The following SNAI3 variants were observed in gnomAD, a reference collection of about 807,000 sequenced individuals.
SNAI3 encodes zinc finger protein SNAI3.
A neutral mutation model predicts 16.4 loss-of-function variants in SNAI3; 21 were observed. The observed-to-expected ratio is 1.28, with a 90% confidence interval of 0.91 to 1.85. SNAI3 has a LOEUF of 1.85. SNAI3 is among the 40% of genes most tolerant of loss of function. SNAI3 has a pLI of 0.00. For missense variants in SNAI3, 457 were observed against 372.8 expected (o/e 1.23, Z -1.86); for synonymous variants, 202 against 166.6 (o/e 1.21, Z -1.64).
rs2142951620 is a variant in SNAI3, at chr16:88,686,408, T to C, written c.-2A>G. ...TTTCACCAGGAAGGAGCGCGGCATG[T>C]TCCCCTCCCGGGCGGCAGGCCGGGG... On this transcript the variant is annotated 5_prime_UTR_variant, in exon 1 of 3. Coordinates refer to ENST00000332281, the MANE Select transcript of SNAI3 (RefSeq NM_178310.4). 1.2e-6 allele frequency: 2 copies of C among 1,610,194 alleles called. No individual in the cohort carries two copies. The highest frequency in any genetic ancestry group is 2.2e-5 in the South Asian group (2 of 91,016).
At chr16:88,682,213 C>T (rs992325763) in intron 1 of SNAI3, among the ~76,000 whole-genome samples, 3 of 152,228 alleles carry the variant, frequency 2.0e-5, no homozygotes, top group Admixed American at 1.3e-4. Flanking sequence ...TAATCACCCT[C>T]CAGTCACCCC....
Position 88,682,762 on chromosome 16 carries a change from ATTTTTTTT to A in SNAI3, c.77-1056_77-1049del, listed in dbSNP as rs71158747. Among the ~76,000 whole-genome samples the A allele has an allele frequency of 3.4e-3, 209 of 60,708 alleles. 5 individuals carry two copies. In the East Asian group the frequency reaches 0.04, roughly 12 times the overall value. The allele number at this position is 60,708 out of a possible 152,430, so 39.8% of individuals were successfully genotyped here. A position where few individuals can be genotyped will look rare whatever the true frequency, so the allele number is the denominator to read the frequency against. On this transcript the variant is annotated intron_variant, in intron 1 of 2. Coordinates refer to ENST00000332281, the MANE Select transcript of SNAI3 (RefSeq NM_178310.4). Reference sequence around the variant, plus strand: ...AATACAATTTTAATATGGGCAAGGGATTTTTTTTTTTTTTTTTTTTTTTTTTTTTTAGA... The same window carrying A: ...AATACAATTTTAATATGGGCAAGGGATTTTTTTTTTTTTTTTTTTTTTAGA...
At chr16:88,682,385 C>G (rs1909204783) in intron 1 of SNAI3, among the ~76,000 whole-genome samples, 1 of 152,242 alleles carries the variant, frequency 6.6e-6, no homozygotes. Context: ...CGGCTGGGCT[C>G]CTCCCCAGGA....
At chr16:88,682,641 A>T (rs1909213627) in intron 1 of SNAI3, among the ~76,000 whole-genome samples, 1 of 152,208 alleles carries the variant, frequency 6.6e-6, no homozygotes, top group African/African-American at 2.4e-5. Context: ...ATAGAATAGG[A>T]GAAAATATTT....
chr16:88,686,035 T>C (rs1909347137), intron 1 of SNAI3: 1 of 258,194 alleles, frequency 3.9e-6, no homozygotes, highest in Admixed American at 5.0e-5. Context: ...GACGGGCGGC[T>C]GTATATCAGG....
At chr16:88,679,622 C>T (rs1008443528) in intron 2 of SNAI3, among the ~76,000 whole-genome samples, 3 of 151,368 alleles carry the variant, frequency 2.0e-5, no homozygotes, top group East Asian at 1.9e-4. Flanking sequence ...ATCAGCTGGG[C>T]GTGGTGGCAG....
chr16:88,679,775 A>AAAAAAAAAAAAAAAAG (rs1555545688), intron 2 of SNAI3, among the ~76,000 whole-genome samples: 445 of 106,268 alleles, frequency 4.2e-3, no homozygotes, highest in East Asian at 6.0e-3. Context: ...AAAAAAAAAA[A>AAAAAAAAAAAAAAAAG]AAAAAAAGAA....
chr16:88,678,574 G>T lies in SNAI3; in HGVS notation c.753C>A (p.Asn251Lys), dbSNP rs748429738. Reference sequence around the variant, plus strand: ...AGTGCGTTTGCAGATGGGCCCGAAGGTTGGAGCGGTCGGCAAAGGCCCTGC... The same window carrying T: ...AGTGCGTTTGCAGATGGGCCCGAAGTTTGGAGCGGTCGGCAAAGGCCCTGC... ...HCSRAFADRS[N>K]LRAHLQTHSD... is the part of the protein sequence containing the mutation. Residue 251 changes from asparagine (N) to lysine (K), a missense_variant, in exon 3 of 3, where the codon AAC becomes AAA. Physicochemically the swap from Asn to Lys is moderately conservative, Grantham distance 94 (BLOSUM62 0). Coordinates refer to ENST00000332281, the MANE Select transcript of SNAI3 (RefSeq NM_178310.4). The T allele has an allele frequency of 5.4e-6, 5 of 917,930 alleles. No individual in the cohort carries two copies. The highest frequency in any genetic ancestry group is 2.6e-5 in the South Asian group (2 of 77,378). 56.9% of individuals were successfully genotyped at this position (917,930 alleles called of 1,614,324 possible). A position where few individuals can be genotyped will look rare whatever the true frequency, so the allele number is the denominator to read the frequency against.
chr16:88,681,780 A>C lies in SNAI3; in HGVS notation c.77-66T>G, dbSNP rs1003266902. ...AATCCCCAGCACTTTGTGTTTTCCAACTCTGATTCGTGGACCCAGTCACAG... is the reference window on the plus strand; with the variant it reads ...AATCCCCAGCACTTTGTGTTTTCCACCTCTGATTCGTGGACCCAGTCACAG... On this transcript the variant is annotated intron_variant, in intron 1 of 2. Coordinates refer to ENST00000332281, the MANE Select transcript of SNAI3 (RefSeq NM_178310.4). This position sits in a 1 kb window ranked among gnomAD's most constrained non-coding sequence, Gnocchi z 5.4. The C allele has an allele frequency of 1.0e-5, 14 of 1,333,582 alleles. No individual in the cohort carries two copies. Among genetic ancestry groups the C allele is most frequent in the Non-Finnish European group, 1.3e-5 (14 of 1,039,658 alleles). The allele number at this position is 1,333,582 out of a possible 1,614,324, so 82.6% of individuals were successfully genotyped here.
chr16:88,679,132 A>T, intron 2 of SNAI3: 14 of 980,168 alleles, frequency 1.4e-5, no homozygotes, highest in Non-Finnish European at 1.7e-5. Flanking sequence ...GTAGCCCCAT[A>T]GAGTCCTGAG....
In SNAI3 at chr16:88,681,137, G is replaced by A. The variant is rs1304855487; in HGVS notation, c.654C>T (p.Phe218=). ...GGCCCTGCAGTAACCAGGGCCTGGAGAAGGCCTTGCCACAGATCTTGCAGG... is the reference window on the plus strand; with the variant it reads ...GGCCCTGCAGTAACCAGGGCCTGGAAAAGGCCTTGCCACAGATCTTGCAGG... ...PCTCKICGKA[F]SRPWLLQGHV... The change falls in exon 2 of 3, where the codon TTC becomes TTT. Residue 218 remains phenylalanine, a synonymous_variant. Coordinates refer to ENST00000332281, the MANE Select transcript of SNAI3 (RefSeq NM_178310.4). The surrounding 1 kb of genome is among the most constrained non-coding windows in gnomAD (Gnocchi z 5.4). The A allele has an allele frequency of 2.5e-6, 4 of 1,613,760 alleles. No individual in the cohort carries two copies. The highest frequency in any genetic ancestry group is 3.4e-6 in the Non-Finnish European group (4 of 1,179,992).
At position 88,681,247 on chromosome 16, in the gene SNAI3, C is replaced by G. The variant is rs1269369583; in HGVS notation, c.544G>C (p.Val182Leu). The change falls in exon 2 of 3, where the codon GTC (valine) becomes CTC (leucine). Residue 182 changes from valine (V) to leucine (L), a missense_variant. Val to Leu is a conservative substitution (Grantham distance 32, BLOSUM62 1). Coordinates refer to ENST00000332281, the MANE Select transcript of SNAI3 (RefSeq NM_178310.4). This position sits in a 1 kb window ranked among gnomAD's most constrained non-coding sequence, Gnocchi z 5.4. Reference protein sequence around the residue: ...QLHCHLQVGRVFTCKYCDKEY... With the variant: ...QLHCHLQVGRLFTCKYCDKEY... ...TTGTCGCAGTACTTGCAGGTGAAGA[C>G]ACGCCCCACCTGCAGGTGGCAGTGC... The G allele has an allele frequency of 1.2e-6, 2 of 1,613,530 alleles. No homozygotes were observed. Among genetic ancestry groups the G allele is most frequent in the East Asian group, 2.2e-5 (1 of 44,878 alleles).
At chr16:88,679,065 G>A in intron 2 of SNAI3, 1 of 985,438 alleles carries the variant, frequency 1.0e-6, no homozygotes, top group South Asian at 4.7e-5. Context: ...GTCCTGCTGG[G>A]ACCTTGGCCC....
chr16:88,679,762 A>AT (rs1909098451), intron 2 of SNAI3, among the ~76,000 whole-genome samples: 1 of 120,108 alleles, frequency 8.3e-6, no homozygotes, highest in Admixed American at 8.8e-5. Context: ...ACTCTGTCTC[A>AT]AAAAAAAAAA....
In SNAI3 at chr16:88,681,106, G is replaced by T; in HGVS notation, c.685C>A (p.Arg229Ser). ...SRPWLLQGHV[R>S]THTGEKPYAC... ...CACCCTGTCCTACCTGTGTGGGTGC[G>T]GACATGGCCCTGCAGTAACCAGGGC... is the stretch of plus-strand genomic sequence containing the variant. The change falls in exon 2 of 3, where the codon CGC becomes AGC. Residue 229 changes from arginine (R) to serine (S), a missense_variant. Physicochemically the swap from Arg to Ser is moderately radical, Grantham distance 110. Transcript: ENST00000332281. This position sits in a 1 kb window ranked among gnomAD's most constrained non-coding sequence, Gnocchi z 5.4. 1 of 1,610,998 alleles carries T rather than the reference G, an allele frequency of 6.2e-7. No homozygotes were observed. The highest frequency in any genetic ancestry group is 1.3e-5 in the African/African-American group (1 of 74,982).
Position 88,681,042 on chromosome 16 carries a change from C to A in SNAI3, c.697+52G>T. 3.2e-6 allele frequency: 5 copies of A among 1,571,874 alleles called. No individual in the cohort carries two copies. The highest frequency in any genetic ancestry group is 4.3e-6 in the Non-Finnish European group (5 of 1,153,096). ...TCCTCCTTTTCTAACTCCCGCAGCCCACCCTCTTCCCCCAGCCCAGACCGT... is the reference window on the plus strand; with the variant it reads ...TCCTCCTTTTCTAACTCCCGCAGCCAACCCTCTTCCCCCAGCCCAGACCGT... On this transcript the variant is annotated intron_variant, in intron 2 of 2. Transcript: ENST00000332281. This position sits in a 1 kb window ranked among gnomAD's most constrained non-coding sequence, Gnocchi z 5.4.
chr16:88,686,450 G>A lies in SNAI3; in HGVS notation c.-44C>T, dbSNP rs1279473633. ...AGGCCGGGGTGGGCTGGGGCGGGAGGGGCGCGCCTGGGTCCGGACTGCTGC... is the reference window on the plus strand; with the variant it reads ...AGGCCGGGGTGGGCTGGGGCGGGAGAGGCGCGCCTGGGTCCGGACTGCTGC... On this transcript the variant is annotated 5_prime_UTR_variant, in exon 1 of 3. Coordinates refer to ENST00000332281, the MANE Select transcript of SNAI3 (RefSeq NM_178310.4). 5 of 1,592,936 alleles carry A rather than the reference G, an allele frequency of 3.1e-6. No individual in the cohort carries two copies. The highest frequency in any genetic ancestry group is 2.3e-5 in the East Asian group (1 of 44,220).
In SNAI3 at chr16:88,681,165, C is replaced by T; in HGVS notation, c.626G>A (p.Cys209Tyr). ...GGCCTTGCCACAGATCTTGCAGGTG[C>T]AGGGCAGCGTGTGAGTGCGGATGTG... Reference protein sequence around the residue: ...KMHIRTHTLPCTCKICGKAFS... With the variant: ...KMHIRTHTLPYTCKICGKAFS... The change falls in exon 2 of 3, where the codon TGC becomes TAC. Residue 209 changes from cysteine to tyrosine, a missense_variant. By Grantham distance (194) the Cys-to-Tyr change is radical (BLOSUM62 -2). Coordinates refer to ENST00000332281, the MANE Select transcript of SNAI3 (RefSeq NM_178310.4). The surrounding 1 kb of genome is among the most constrained non-coding windows in gnomAD (Gnocchi z 5.4). 2 of 1,613,822 alleles carry T rather than the reference C, an allele frequency of 1.2e-6. No homozygotes were observed. Among genetic ancestry groups the T allele is most frequent in the Non-Finnish European group, 1.7e-6 (2 of 1,179,966 alleles).
At chr16:88,682,932 G>A (rs369530635) in intron 1 of SNAI3, among the ~76,000 whole-genome samples, 26 of 150,750 alleles carry the variant, frequency 1.7e-4, no homozygotes, top group Admixed American at 4.0e-4. Context: ...CTGCCACCAC[G>A]CCCGGCTAAT....
Sources: allele counts gnomAD v4.1 joint callset (sites outside exome capture counted in the v4.1 genomes callset), GRCh38; gene constraint gnomAD v4.1.1; non-coding constraint Gnocchi (gnomAD v3.1); transcripts MANE v1.5; gene names NCBI Gene and HGNC (gene_info 2026-07-23, HGNC 2026-07-21).